Variants in KHDRBS2 observed in about 807,000 individuals in gnomAD.
KHDRBS2 encodes KH RNA binding domain containing, signal transduction associated 2.
In KHDRBS2, 26 loss-of-function variants were observed where a neutral mutation model predicts 44.3. That is an observed-to-expected ratio of 0.59 (90% CI 0.43 to 0.81). KHDRBS2 has a LOEUF of 0.81. KHDRBS2 is among the 40% of genes least tolerant of loss of function. The probability of loss-of-function intolerance (pLI) is 0.00; values close to 1 mark genes in which losing one functional copy is unlikely to be tolerated. For synonymous variants in KHDRBS2, 194 were observed against 151.1 expected (o/e 1.28, Z -2.08); for missense variants, 476 against 433.1 (o/e 1.10, Z -0.88).
chr6:61,892,047 G>T (rs575653123), intron 6 of KHDRBS2, among the ~76,000 whole-genome samples: 1 of 152,298 alleles, frequency 6.6e-6, no homozygotes, highest in Non-Finnish European at 1.5e-5. Context: ...AGCAACTTCA[G>T]CAAAGTCTCA....
At chr6:61,741,274 T>G (rs1776098645) in intron 6 of KHDRBS2, among the ~76,000 whole-genome samples, 2 of 151,852 alleles carry the variant, frequency 1.3e-5, no homozygotes, top group African/African-American at 4.8e-5. Flanking sequence ...ACAGAATATG[T>G]TAAATTACCT....
the KHDRBS2 span, among the ~76,000 whole-genome samples, chr6:61,627,299 TG>T: frequency 5.9e-5 from 9 of 151,306 alleles, no homozygotes; most frequent in Non-Finnish European, 1.0e-4. Flanking sequence ...GGCTGGTTTT[TG>T]TCTTTGGTCC....
intron 6 of KHDRBS2, among the ~76,000 whole-genome samples, chr6:61,890,364 T>A (rs1801632350): frequency 6.6e-6 from 1 of 152,202 alleles, no homozygotes; most frequent in South Asian, 2.1e-4. Context: ...ATATAACCCT[T>A]TTCACCCACA....
At chr6:62,058,547 T>A (rs1234539488) in intron 2 of KHDRBS2, among the ~76,000 whole-genome samples, 1 of 151,820 alleles carries the variant, frequency 6.6e-6, no homozygotes, top group Admixed American at 6.6e-5. Flanking sequence ...CTAGGGCAGA[T>A]TGCACTAAGT....
At chr6:62,173,831 A>G (rs1033636755) in intron 2 of KHDRBS2, among the ~76,000 whole-genome samples, 4 of 152,072 alleles carry the variant, frequency 2.6e-5, no homozygotes, top group Non-Finnish European at 5.9e-5. Context: ...ATTTAAATAG[A>G]CACACAAAAT....
At chr6:61,786,384 T>A (rs189649868) in intron 6 of KHDRBS2, among the ~76,000 whole-genome samples, 3 of 152,060 alleles carry the variant, frequency 2.0e-5, no homozygotes, top group South Asian at 2.1e-4. Flanking sequence ...TATAACATTT[T>A]ATTTGCTTAA....
chr6:61,848,491 GTATATATATATA>G (rs1180750340), intron 6 of KHDRBS2, among the ~76,000 whole-genome samples: 3 of 30,482 alleles, frequency 9.8e-5, no homozygotes, highest in African/African-American at 4.7e-4. Flanking sequence ...ATATATATAT[GTATATATATATA>G]TATATATGTA....
chr6:61,666,991 G>GTTT, the KHDRBS2 span, among the ~76,000 whole-genome samples: 743 of 140,508 alleles, frequency 5.3e-3, 5 homozygotes, highest in South Asian at 0.011. Context: ...AACCTTCTGG[G>GTTT]TTTTTTTTTT....
intron 3 of KHDRBS2, 23 bp from the exon 4 acceptor site, chr6:61,978,235 A>C: frequency 6.3e-7 from 1 of 1,585,284 alleles, no homozygotes; most frequent in African/African-American, 1.4e-5. Flanking sequence ...TTATTTTTAG[A>C]AATACAAATC....
chr6:62,205,915 A>G (rs909536227), intron 1 of KHDRBS2, among the ~76,000 whole-genome samples: 1 of 152,174 alleles, frequency 6.6e-6, no homozygotes, highest in South Asian at 2.1e-4. Context: ...TGGGAACTTG[A>G]GCATCCAAGA....
chr6:62,146,130 T>C (rs1489963422), intron 2 of KHDRBS2, among the ~76,000 whole-genome samples: 1 of 151,928 alleles, frequency 6.6e-6, no homozygotes, highest in Non-Finnish European at 1.5e-5. Context: ...TTCATTTACA[T>C]ACATCTCCCC....
At chr6:62,109,963 G>A (rs1453132034) in intron 2 of KHDRBS2, among the ~76,000 whole-genome samples, 1 of 151,716 alleles carries the variant, frequency 6.6e-6, no homozygotes, top group Non-Finnish European at 1.5e-5. Flanking sequence ...ATGACTTTGG[G>A]TTAGGAAAAT....
At chr6:62,267,801 C>G (rs749508745) in intron 1 of KHDRBS2, among the ~76,000 whole-genome samples, 2 of 152,002 alleles carry the variant, frequency 1.3e-5, no homozygotes, top group Non-Finnish European at 2.9e-5. Context: ...GGATTCAAAT[C>G]TATCAACTAC....
At chr6:61,728,828 T>C (rs1773989907) in intron 7 of KHDRBS2, among the ~76,000 whole-genome samples, 1 of 152,288 alleles carries the variant, frequency 6.6e-6, no homozygotes, top group South Asian at 2.1e-4. Flanking sequence ...CTTTTTTTAC[T>C]ATATTTTCTT....
intron 3 of KHDRBS2, among the ~76,000 whole-genome samples, chr6:61,987,696 C>T (rs1775314027): frequency 6.6e-6 from 1 of 152,122 alleles, no homozygotes; most frequent in Non-Finnish European, 1.5e-5. Context: ...AAATTCTTTC[C>T]TGACAGAACA....
At chr6:62,060,595 C>T (rs1036752587) in intron 2 of KHDRBS2, among the ~76,000 whole-genome samples, 10 of 128,290 alleles carry the variant, frequency 7.8e-5, no homozygotes, top group African/African-American at 2.6e-4. Flanking sequence ...GTAAAGGTCT[C>T]TCTCTCTCTC....
At chr6:61,565,903 C>T in the KHDRBS2 span, among the ~76,000 whole-genome samples, 1 of 151,950 alleles carries the variant, frequency 6.6e-6, no homozygotes, top group African/African-American at 2.4e-5. Flanking sequence ...GAAGAGATAT[C>T]TACACTCTCA....
At chr6:61,985,074 G>T (rs1265514841) in intron 3 of KHDRBS2, among the ~76,000 whole-genome samples, 1 of 152,094 alleles carries the variant, frequency 6.6e-6, no homozygotes, top group Non-Finnish European at 1.5e-5. Flanking sequence ...TACCTTACTG[G>T]ATAACGGTAT....
chr6:61,858,157 G>A (rs1796409070), intron 6 of KHDRBS2, among the ~76,000 whole-genome samples: 1 of 151,578 alleles, frequency 6.6e-6, no homozygotes, highest in South Asian at 2.1e-4. Context: ...GAGCACCTCA[G>A]AAGCATTTAT....
Sources: allele counts gnomAD v4.1 joint callset (sites outside exome capture counted in the v4.1 genomes callset), GRCh38; gene constraint gnomAD v4.1.1; transcripts MANE v1.5; gene names NCBI Gene and HGNC (gene_info 2026-07-23, HGNC 2026-07-21).